Variants in ZNF710 observed in about 807,000 individuals in gnomAD.
ZNF710 encodes zinc finger protein 710.
ZNF710 carries 13 observed loss-of-function variants against 50.6 expected under a neutral mutation model. That is an observed-to-expected ratio of 0.26 (90% CI 0.17 to 0.41). The LOEUF (loss-of-function observed/expected upper bound fraction) is 0.41. Ranked by LOEUF, ZNF710 falls within the 10% of genes least tolerant of loss-of-function variation. The probability of loss-of-function intolerance (pLI) is 1.00; values close to 1 mark genes in which losing one functional copy is unlikely to be tolerated. For missense variants in ZNF710, 721 were observed against 936.6 expected (o/e 0.77, Z 3.01); for synonymous variants, 383 against 397.0 (o/e 0.96, Z 0.42).
intron 4 of ZNF710, chr15:90,074,876 G>T: frequency 3.7e-6 from 1 of 267,262 alleles, no homozygotes; most frequent in Non-Finnish European, 7.2e-6. Context: ...AGCAACCAAG[G>T]CAAAAAAGTG....
At chr15:90,011,653 GTCT>G (rs1273124444) in intron 1 of ZNF710, among the ~76,000 whole-genome samples, 5 of 151,812 alleles carry the variant, frequency 3.3e-5, no homozygotes, top group Non-Finnish European at 7.4e-5. Context: ...TTCATCTCAG[GTCT>G]TCTTTCTGGG....
At chr15:90,074,460 T>A (rs1270539038) in intron 4 of ZNF710, 170 bp downstream of exon 4, 9 of 1,532,960 alleles carry the variant, frequency 5.9e-6, no homozygotes, top group Non-Finnish European at 7.9e-6. Flanking sequence ...ACAATAACGA[T>A]GGGATATTTA....
At chr15:90,001,997 G>GAGAGAGAGAGAGAGAGAGAGAGAGA (rs1898025235) in intron 1 of ZNF710, among the ~76,000 whole-genome samples, 1 of 145,868 alleles carries the variant, frequency 6.9e-6, no homozygotes, top group African/African-American at 2.6e-5. Flanking sequence ...GAGAGAGAGA[G>GAGAGAGAGAGAGAGAGAGAGAGAGA]GCAAAAATGA....
rs1899065202 is a variant in ZNF710 at position 90,034,740 on chromosome 15, TGGGTG to T, written c.-28-32366_-28-32362del. 6.6e-6 allele frequency among the ~76,000 whole-genome samples: 1 copy of T among 152,184 alleles called. No homozygotes were observed. Among genetic ancestry groups the T allele is most frequent in the African/African-American group, 2.4e-5 (1 of 41,444 alleles). ...TTCTGAGCCTTCTTTGTTCTGGCCG[TGGGTG>T]GGGCACCCGGCTCCACCTGCCTCAG... On this transcript the variant is annotated intron_variant, in intron 1 of 4. Transcript: ENST00000268154. The surrounding 1 kb of genome is among the most constrained non-coding windows in gnomAD (Gnocchi z 4.0).
At position 90,073,998 on chromosome 15, in the gene ZNF710, AAC is replaced by A. The variant is rs1435855111; in HGVS notation, c.1651-116_1651-115del. 4,414 of 1,052,074 alleles carry A rather than the reference AAC, an allele frequency of 4.2e-3. 89 individuals are homozygous for A. Among genetic ancestry groups the A allele is most frequent in the East Asian group, 0.032 (706 of 22,192 alleles). The allele number at this position is 1,052,074 out of a possible 1,614,324, so 65.2% of individuals were successfully genotyped here. ...GAGTGAGAGTCTGTCTCAAAAAAAAAACAAAAAAAAAAAACAAAAGAATAGGA... is the reference window on the plus strand; with the variant it reads ...GAGTGAGAGTCTGTCTCAAAAAAAAAAAAAAAAAAAAACAAAAGAATAGGA... On this transcript the variant is annotated intron_variant, in intron 3 of 4. Coordinates refer to ENST00000268154, the MANE Select transcript of ZNF710 (RefSeq NM_198526.4).
chr15:90,051,042 C>T (rs1458866257), intron 1 of ZNF710, among the ~76,000 whole-genome samples: 3 of 151,750 alleles, frequency 2.0e-5, no homozygotes, highest in African/African-American at 7.3e-5. Context: ...AGTTGGAGAC[C>T]AACCTGGCCA....
At chr15:90,002,623 A>T (rs2151453434) in intron 1 of ZNF710, 1 of 152,344 alleles carries the variant, frequency 6.6e-6, no homozygotes, top group East Asian at 1.9e-4. Context: ...GATCCCGCAG[A>T]TCCGGCCCTT....
At chr15:90,078,850 T>C (rs1427406149) in intron 4 of ZNF710, among the ~76,000 whole-genome samples, 2 of 152,174 alleles carry the variant, frequency 1.3e-5, no homozygotes, top group Non-Finnish European at 2.9e-5. Context: ...GAATGCACTT[T>C]GGGGGCCAGC....
intron 1 of ZNF710, among the ~76,000 whole-genome samples, chr15:90,023,882 C>T (rs966541688): frequency 6.6e-6 from 1 of 151,986 alleles, no homozygotes; most frequent in African/African-American, 2.4e-5. Flanking sequence ...ACCTGTAGTC[C>T]CAGCTACTCG....
chr15:90,014,079 T>C (rs1307853206), intron 1 of ZNF710, among the ~76,000 whole-genome samples: 1 of 140,388 alleles, frequency 7.1e-6, no homozygotes. Flanking sequence ...TGAATAGTAA[T>C]AAAAAAAAAA....
chr15:90,028,915 T>TG (rs1416201391), intron 1 of ZNF710, among the ~76,000 whole-genome samples: 3 of 152,210 alleles, frequency 2.0e-5, no homozygotes, highest in African/African-American at 7.2e-5. Context: ...AACACATGCA[T>TG]GAAGAGGACT....
chr15:90,019,187 C>CTTTTTTTTT (rs11285838), intron 1 of ZNF710, among the ~76,000 whole-genome samples: 1,511 of 89,410 alleles, frequency 0.017, 3 homozygotes, highest in Non-Finnish European at 0.018. Flanking sequence ...CTTTTTCTTT[C>CTTTTTTTTT]TTTTTTTTTT....
chr15:90,004,891 A>G lies in ZNF710; in HGVS notation c.-29+3277A>G, dbSNP rs1224339786. 2.6e-5 allele frequency among the ~76,000 whole-genome samples: 4 copies of G among 152,226 alleles called. No homozygotes were observed. In the South Asian group the frequency reaches 6.2e-4, roughly 24 times the overall value. ...GAGGATGTGACTGGCCAGTGAGACA[A>G]CTAGGGGGAACTGGGTGATTCAGGC... On this transcript the variant is annotated intron_variant, in intron 1 of 4. Transcript: ENST00000268154.
chr15:90,042,404 A>T (rs1307021812), intron 1 of ZNF710, among the ~76,000 whole-genome samples: 1 of 150,216 alleles, frequency 6.7e-6, no homozygotes, highest in Non-Finnish European at 1.5e-5. Context: ...AGGGCTCCGG[A>T]CTGGTCCTTG....
intron 1 of ZNF710, among the ~76,000 whole-genome samples, chr15:90,022,708 A>G (rs1898660474): frequency 6.6e-6 from 1 of 152,222 alleles, no homozygotes; most frequent in South Asian, 2.1e-4. Flanking sequence ...AGGAATACAT[A>G]TGGCACTTTT....
chr15:90,001,912 A>G (rs1470023429), intron 1 of ZNF710, among the ~76,000 whole-genome samples: 11 of 91,634 alleles, frequency 1.2e-4, no homozygotes, highest in African/African-American at 3.9e-4. Flanking sequence ...GGGGAGGGGG[A>G]AGGGAGAGGG....
At chr15:90,025,055 A>G (rs1394581152) in intron 1 of ZNF710, 1 of 152,104 alleles carries the variant, frequency 6.6e-6, no homozygotes, top group Non-Finnish European at 1.5e-5. Flanking sequence ...TTTTTCATAT[A>G]CCTGTCTTTT....
chr15:90,025,761 C>T (rs1188399633), intron 1 of ZNF710: 1 of 152,174 alleles, frequency 6.6e-6, no homozygotes, highest in Non-Finnish European at 1.5e-5. Flanking sequence ...TCGGGGAGTC[C>T]TTTGATCACC....
chr15:90,075,195 A>G lies in ZNF710; in HGVS notation c.1825+905A>G, dbSNP rs1434593362. On this transcript the variant is annotated intron_variant, in intron 4 of 4. Coordinates refer to ENST00000268154, the MANE Select transcript of ZNF710 (RefSeq NM_198526.4). ...CAGGAAGGAGGGAGCCAACAGCGCT[A>G]CAGGGAGGCTCCTTCTACAGTTGGG... 3 of 152,528 alleles carry G rather than the reference A, an allele frequency of 2.0e-5. No individual in the cohort carries two copies. The East Asian group carries it at 5.8e-4, about 29-fold the overall frequency. 9.4% of individuals were successfully genotyped at this position (152,528 alleles called of 1,614,324 possible). A position where few individuals can be genotyped will look rare whatever the true frequency, so the allele number is the denominator to read the frequency against.
Sources: allele counts gnomAD v4.1 joint callset (sites outside exome capture counted in the v4.1 genomes callset), GRCh38; gene constraint gnomAD v4.1.1; non-coding constraint Gnocchi (gnomAD v3.1); transcripts MANE v1.5; gene names NCBI Gene and HGNC (gene_info 2026-07-23, HGNC 2026-07-21).